The following SMC1B variants were observed in gnomAD, a reference collection of about 807,000 sequenced individuals.
SMC1B encodes the protein structural maintenance of chromosomes protein 1B.
Under a neutral mutation model 157.9 loss-of-function variants are expected in SMC1B, and 60 were observed. The observed-to-expected ratio is 0.38, with a 90% confidence interval of 0.31 to 0.47. The LOEUF is 0.47. Ranked by LOEUF, SMC1B falls within the 20% of genes least tolerant of loss-of-function variation. SMC1B has a pLI of 0.99. For missense variants in SMC1B, 1,165 were observed against 1,426.2 expected, an observed-to-expected ratio of 0.82 and a Z score of 2.95; for synonymous variants, 445 against 483.0, an observed-to-expected ratio of 0.92 and a Z score of 1.03.
At chr22:45,374,639 T>C (rs1419331692) in intron 12 of SMC1B, among the ~76,000 whole-genome samples, 1 of 152,214 alleles carries the variant, frequency 6.6e-6, no homozygotes, top group Non-Finnish European at 1.5e-5. Flanking sequence ...TTTTTCCTAA[T>C]TTGGAGTTGC....
intron 15 of SMC1B, among the ~76,000 whole-genome samples, chr22:45,364,502 A>G (rs1041978585): frequency 1.1e-4 from 16 of 152,332 alleles, no homozygotes; most frequent in African/African-American, 3.8e-4. Flanking sequence ...TCTTTATTTA[A>G]CAGATGAGAA....
intron 15 of SMC1B, among the ~76,000 whole-genome samples, chr22:45,368,915 C>G (rs998833270): frequency 6.6e-5 from 10 of 152,190 alleles, no homozygotes; most frequent in Non-Finnish European, 1.5e-4. Flanking sequence ...GTGAAGCTAT[C>G]TGTACCTGGT....
At chr22:45,389,947 T>C (rs533838979) in intron 9 of SMC1B, 50 bp from the exon 10 acceptor site, 1 of 1,452,040 alleles carries the variant, frequency 6.9e-7, no homozygotes, top group East Asian at 2.3e-5. Flanking sequence ...TAGAGTGAAA[T>C]ATATAATTCA....
chr22:45,409,280 A>G (rs2087300359), intron 1 of SMC1B, among the ~76,000 whole-genome samples: 1 of 152,186 alleles, frequency 6.6e-6, no homozygotes, highest in African/African-American at 2.4e-5. Context: ...AAGAGAGGCT[A>G]AGGCTGGACG....
At chr22:45,357,994 T>C (rs950210716) in intron 19 of SMC1B, among the ~76,000 whole-genome samples, 1 of 152,152 alleles carries the variant, frequency 6.6e-6, no homozygotes, top group Non-Finnish European at 1.5e-5. Context: ...AGGCTGAAGA[T>C]TGAGGCTGGA....
Position 45,360,552 on chromosome 22 carries a change from G to A in SMC1B, c.2709-594C>T, listed in dbSNP as rs536339429. ...GTTTGGGCTGAGTGTGGTGGCTCAC[G>A]CCTGTAATCCAGCACTTTGGAAGGC... On this transcript the variant is annotated intron_variant, in intron 17 of 24. Coordinates refer to ENST00000357450, the MANE Select transcript of SMC1B (RefSeq NM_148674.5). Among the ~76,000 whole-genome samples the A allele has an allele frequency of 2.6e-5, 4 of 152,184 alleles. No homozygotes were observed. In the East Asian group the frequency reaches 7.7e-4, roughly 29 times the overall value.
intron 1 of SMC1B, among the ~76,000 whole-genome samples, chr22:45,409,863 CTT>C (rs1459264486): frequency 6.6e-6 from 1 of 152,160 alleles, no homozygotes; most frequent in Non-Finnish European, 1.5e-5. Flanking sequence ...TGAACATATG[CTT>C]TCTTTCTAGG....
chr22:45,349,736 T>A lies in SMC1B; in HGVS notation c.3487A>T (p.Ile1163Leu), dbSNP rs2086592357. The A allele has an allele frequency of 1.2e-6, 2 of 1,612,538 alleles. No homozygotes were observed. The highest frequency in any genetic ancestry group is 2.2e-5 in the South Asian group (2 of 90,710). ...GAAAAGCAGAAACTTACTTTGCCTA[T>A]GTTAGTATTGTCTAGGGCTGCATCC... is the stretch of plus-strand genomic sequence containing the variant. ...EVDAALDNTN[I>L]GKVSSYIKEQ... The change falls in exon 23 of 25, where the codon ATA (isoleucine) becomes TTA (leucine). Residue 1163 changes from isoleucine (I) to leucine (L), a missense_variant. By Grantham distance (5) the Ile-to-Leu change is conservative (BLOSUM62 2). Coordinates refer to ENST00000357450, the MANE Select transcript of SMC1B (RefSeq NM_148674.5).
intron 7 of SMC1B, among the ~76,000 whole-genome samples, chr22:45,395,632 T>C (rs774311072): frequency 2.0e-5 from 3 of 152,222 alleles, no homozygotes; most frequent in Non-Finnish European, 2.9e-5. Flanking sequence ...CTGAGGAGGA[T>C]GGATCACCTG....
intron 15 of SMC1B, among the ~76,000 whole-genome samples, 174 bp downstream of exon 15, chr22:45,369,780 G>A (rs1205826468): frequency 1.6e-4 from 24 of 151,064 alleles, no homozygotes; most frequent in East Asian, 1.4e-3. Context: ...TCCTGACCTC[G>A]TGATCCGCCT....
intron 1 of SMC1B, 148 bp downstream of exon 1, chr22:45,413,311 C>G: frequency 1.6e-6 from 1 of 620,098 alleles, no homozygotes; most frequent in Non-Finnish European, 2.8e-6. Flanking sequence ...AGGGCCAGGC[C>G]GGGATCCGGT....
Position 45,358,691 on chromosome 22 carries a change from C to T in SMC1B, c.2961+6G>A. 2 of 1,553,196 alleles carry T rather than the reference C, an allele frequency of 1.3e-6. No individual in the cohort carries two copies. Among genetic ancestry groups the T allele is most frequent in the Admixed American group, 3.5e-5 (2 of 57,518 alleles). Reference sequence around the variant, plus strand: ...GAGTGATAAACAACAGAAAGCTTTCCATTACCTTCAAATCCTCTTTTAGAG... The same window carrying T: ...GAGTGATAAACAACAGAAAGCTTTCTATTACCTTCAAATCCTCTTTTAGAG... On this transcript the variant is annotated splice_donor_region_variant and intron_variant, in intron 19 of 24. Transcript: ENST00000357450.
chr22:45,362,842 T>A, intron 16 of SMC1B, 43 bp downstream of exon 16: 1 of 1,533,502 alleles, frequency 6.5e-7, no homozygotes, highest in Non-Finnish European at 8.9e-7. Context: ...AAGGAAGTCA[T>A]AATTTCAATG....
In SMC1B at chr22:45,358,913, ACCT is replaced by A. The variant is rs2086695118; in HGVS notation, c.2863-121_2863-119del. 10 of 567,308 alleles carry A rather than the reference ACCT, an allele frequency of 1.8e-5. No individual in the cohort carries two copies. In the East Asian group the frequency reaches 2.9e-4, roughly 17 times the overall value. The allele number at this position is 567,308 out of a possible 1,614,324, so 35.1% of individuals were successfully genotyped here. A position where few individuals can be genotyped will look rare whatever the true frequency, so the allele number is the denominator to read the frequency against. ...ACATCAAAGATCAGTTATATAGATC[ACCT>A]TAACAGACATATAATAATAAAAAAG... is the stretch of plus-strand genomic sequence containing the variant. On this transcript the variant is annotated intron_variant, in intron 18 of 24. Transcript: ENST00000357450.
chr22:45,405,526 T>TG (rs1555934255), intron 4 of SMC1B, among the ~76,000 whole-genome samples: 2 of 150,612 alleles, frequency 1.3e-5, no homozygotes, highest in South Asian at 2.1e-4. Flanking sequence ...CACTCCAGCC[T>TG]GGGGAAAAAA....
chr22:45,403,931 TTTTGTTTGTTTG>T (rs560579074), intron 4 of SMC1B, among the ~76,000 whole-genome samples: 2 of 151,804 alleles, frequency 1.3e-5, no homozygotes, highest in Admixed American at 6.5e-5. Flanking sequence ...AGAGGGTGTT[TTTTGTTTGTTTG>T]TTTGTTTGTT....
At chr22:45,392,689 A>AG (rs1230824454) in intron 9 of SMC1B, among the ~76,000 whole-genome samples, 1 of 151,996 alleles carries the variant, frequency 6.6e-6, no homozygotes. Flanking sequence ...GTGGATATGG[A>AG]GGCCAATGGT....
chr22:45,366,470 A>C (rs1216784024), intron 15 of SMC1B, among the ~76,000 whole-genome samples: 1 of 152,254 alleles, frequency 6.6e-6, no homozygotes, highest in Non-Finnish European at 1.5e-5. Context: ...ATAACTAGAC[A>C]AGTTCAAAGT....
intron 17 of SMC1B, among the ~76,000 whole-genome samples, chr22:45,360,473 GA>G (rs1444627005): frequency 7.9e-5 from 12 of 152,086 alleles, no homozygotes; most frequent in African/African-American, 2.7e-4. Flanking sequence ...AAAGAAAGAA[GA>G]AAGTAAGAAC....
Sources: gnomAD v4.1 joint callset for allele counts (sites outside exome capture counted in the v4.1 genomes callset) on GRCh38, gnomAD v4.1.1 for gene constraint, MANE v1.5 for transcripts, NCBI Gene and HGNC (gene_info 2026-07-23, HGNC 2026-07-21) for gene names.